The following WFDC10B variants were observed in gnomAD, a reference collection of about 807,000 sequenced individuals.
The protein encoded by WFDC10B is WAP four-disulfide core domain 10B, also known as protein WFDC10B.
In WFDC10B, 1 loss-of-function variant was observed where a neutral mutation model predicts 2.7. The ratio of observed to expected loss-of-function variants is 0.38; its 90% CI spans 0.13 to 1.79. The LOEUF (loss-of-function observed/expected upper bound fraction) is 1.79. Ranked by LOEUF, WFDC10B falls within the 40% of genes most tolerant of loss-of-function variation. WFDC10B has a pLI of 0.33. For missense variants in WFDC10B, 71 were observed against 87.8 expected (o/e 0.81, Z 0.76); for synonymous variants, 26 against 32.2 (o/e 0.81, Z 0.65).
At chr20:45,689,324 GCT>G (rs1983732831) in intron 2 of WFDC10B, among the ~76,000 whole-genome samples, 2 of 151,742 alleles carry the variant, frequency 1.3e-5, no homozygotes, top group African/African-American at 4.8e-5. Context: ...GGCGATGTGG[GCT>G]CTTTTTTGGT....
intron 2 of WFDC10B, among the ~76,000 whole-genome samples, chr20:45,693,233 C>T (rs1270859168): frequency 6.6e-6 from 1 of 152,130 alleles, no homozygotes; most frequent in African/African-American, 2.4e-5. Flanking sequence ...GTCAGTCTGC[C>T]CCTACTGGGG....
intron 2 of WFDC10B, among the ~76,000 whole-genome samples, chr20:45,701,267 T>C (rs1467033880): frequency 1.3e-5 from 2 of 152,084 alleles, no homozygotes; most frequent in Non-Finnish European, 2.9e-5. Context: ...CCTACATTGA[T>C]AGAAAGAAAA....
intron 2 of WFDC10B, among the ~76,000 whole-genome samples, chr20:45,696,257 G>T (rs897097189): frequency 6.5e-5 from 9 of 138,490 alleles, no homozygotes; most frequent in South Asian, 4.5e-4. Flanking sequence ...CTGCACTCCA[G>T]CCTAGGCGAC....
intron 3 of WFDC10B, 147 bp from the exon 4 acceptor site, chr20:45,685,107 TC>T: frequency 1.0e-6 from 1 of 982,772 alleles, no homozygotes; most frequent in South Asian, 1.6e-5. Flanking sequence ...TTCCAGCCCA[TC>T]ACCAATCCTA....
intron 2 of WFDC10B, among the ~76,000 whole-genome samples, chr20:45,688,027 C>CCCCCA (rs1469707576): frequency 9.6e-6 from 1 of 104,408 alleles, no homozygotes; most frequent in African/African-American, 3.7e-5. Flanking sequence ...CTCCCCCCTC[C>CCCCCA]CCCCACCCCA....
chr20:45,701,810 T>C (rs1015660231), intron 2 of WFDC10B, among the ~76,000 whole-genome samples: 3 of 149,612 alleles, frequency 2.0e-5, no homozygotes, highest in Non-Finnish European at 4.4e-5. Context: ...AAATATAACA[T>C]GTACAATTTC....
intron 2 of WFDC10B, among the ~76,000 whole-genome samples, chr20:45,696,240 C>T (rs773638572): frequency 5.4e-5 from 8 of 147,330 alleles, no homozygotes; most frequent in Non-Finnish European, 1.0e-4. Context: ...GAGCCAAGAT[C>T]GCGCCACTGC....
At chr20:45,702,214 A>G in intron 2 of WFDC10B, 1 of 1,611,000 alleles carries the variant, frequency 6.2e-7, no homozygotes, top group African/African-American at 1.3e-5. Context: ...TGTTCTGAGT[A>G]GGTGCTGGAT....
At chr20:45,690,338 G>A (rs1400199802) in intron 2 of WFDC10B, among the ~76,000 whole-genome samples, 1 of 151,996 alleles carries the variant, frequency 6.6e-6, no homozygotes, top group Non-Finnish European at 1.5e-5. Context: ...TTGGTATCAG[G>A]ATGATGCTGG....
intron 2 of WFDC10B, among the ~76,000 whole-genome samples, chr20:45,687,612 A>T (rs780593411): frequency 1.3e-5 from 2 of 152,256 alleles, no homozygotes; most frequent in South Asian, 2.1e-4. Context: ...GGTTGAACTA[A>T]TTTACATTCC....
intron 3 of WFDC10B, among the ~76,000 whole-genome samples, chr20:45,685,584 C>T (rs998395321): frequency 1.3e-5 from 2 of 152,232 alleles, no homozygotes; most frequent in Non-Finnish European, 2.9e-5. Context: ...GTGCATAAAT[C>T]AAAGAATAAT....
At chr20:45,687,851 G>A (rs1310613481) in intron 2 of WFDC10B, among the ~76,000 whole-genome samples, 1 of 138,654 alleles carries the variant, frequency 7.2e-6, no homozygotes, top group Non-Finnish European at 1.5e-5. Context: ...GGGATTGCTT[G>A]TCTTTTCTTT....
At chr20:45,685,774 G>A in intron 3 of WFDC10B, 128 bp downstream of exon 3, 2 of 1,452,678 alleles carry the variant, frequency 1.4e-6, no homozygotes, top group Non-Finnish European at 1.9e-6. Context: ...CCCAGAGTCT[G>A]CACAGCATTG....
At chr20:45,698,840 C>T (rs1033589232) in intron 2 of WFDC10B, among the ~76,000 whole-genome samples, 44 of 151,528 alleles carry the variant, frequency 2.9e-4, no homozygotes, top group Non-Finnish European at 6.0e-4. Context: ...GGGTGGCAGG[C>T]GCCTGTAATC....
Position 45,685,913 on chromosome 20 carries a change from A to C in WFDC10B, c.80T>G (p.Met27Arg). 1 of 1,613,928 alleles carries C rather than the reference A, an allele frequency of 6.2e-7. No individual in the cohort carries two copies. Among genetic ancestry groups the C allele is most frequent in the Non-Finnish European group, 8.5e-7 (1 of 1,179,996 alleles). Residue 27 changes from methionine (M) to arginine (R), a missense_variant, in exon 3 of 4, where the codon ATG becomes AGG. Coordinates refer to ENST00000330523, the MANE Select transcript of WFDC10B (RefSeq NM_172006.2). Reference sequence around the variant, plus strand: ...AGCCCATCACCTACTCTGCATCCTCATCTTGTCACGGTATCCTCCCTGGGC... The same window carrying C: ...AGCCCATCACCTACTCTGCATCCTCCTCTTGTCACGGTATCCTCCCTGGGC... ...LQAQGGYRDK[M>R]RMQRIKVCEK... is the part of the protein sequence containing the mutation.
intron 3 of WFDC10B, 63 bp downstream of exon 3, chr20:45,685,839 G>C: frequency 6.3e-7 from 1 of 1,594,460 alleles, no homozygotes; most frequent in South Asian, 1.1e-5. Context: ...ACTCAGACTG[G>C]ACACAGCTCC....
intron 2 of WFDC10B, among the ~76,000 whole-genome samples, chr20:45,698,124 G>T (rs929277002): frequency 6.6e-6 from 1 of 152,082 alleles, no homozygotes; most frequent in Non-Finnish European, 1.5e-5. Flanking sequence ...TACTTTGTAG[G>T]GTCTCCCATT....
chr20:45,692,052 T>C (rs1022823313), intron 2 of WFDC10B, among the ~76,000 whole-genome samples: 3 of 152,122 alleles, frequency 2.0e-5, no homozygotes, highest in African/African-American at 4.8e-5. Flanking sequence ...AATCTCTCAG[T>C]ATTTGCTTGT....
At chr20:45,691,936 G>A (rs1983826541) in intron 2 of WFDC10B, among the ~76,000 whole-genome samples, 1 of 152,096 alleles carries the variant, frequency 6.6e-6, no homozygotes. Context: ...TAGTCTCCAT[G>A]GTCTTTACAT....
Sources: allele counts gnomAD v4.1 joint callset (sites outside exome capture counted in the v4.1 genomes callset), GRCh38; gene constraint gnomAD v4.1.1; transcripts MANE v1.5; gene names NCBI Gene and HGNC (gene_info 2026-07-23, HGNC 2026-07-21).